Variants in RFX2 observed in about 807,000 individuals in gnomAD.
RFX2 encodes regulatory factor X2.
In RFX2, 20 loss-of-function variants were observed where a neutral mutation model predicts 87.8. The observed-to-expected ratio is 0.23, with a 90% CI of 0.16 to 0.33. The LOEUF (loss-of-function observed/expected upper bound fraction) is 0.33. RFX2 is among the 10% of genes least tolerant of loss of function. The probability of loss-of-function intolerance (pLI) is 1.00; values close to 1 mark genes in which losing one functional copy is unlikely to be tolerated. For synonymous variants in RFX2, 397 were observed against 431.3 expected, an observed-to-expected ratio of 0.92 and a Z score of 0.98; for missense variants, 767 against 1,012.3, an observed-to-expected ratio of 0.76 and a Z score of 3.29.
chr19:6,048,770 T>C (rs2087230765), intron 1 of RFX2, among the ~76,000 whole-genome samples: 2 of 152,188 alleles, frequency 1.3e-5, no homozygotes, highest in Non-Finnish European at 2.9e-5. Context: ...TAAATTAATT[T>C]ACCTAAGGAA....
intron 1 of RFX2, among the ~76,000 whole-genome samples, chr19:6,082,797 C>A (rs1176229353): frequency 6.6e-6 from 1 of 152,148 alleles, no homozygotes; most frequent in Non-Finnish European, 1.5e-5. Context: ...CTCAACTCTG[C>A]CTCTGGACAG....
intron 1 of RFX2, among the ~76,000 whole-genome samples, chr19:6,059,231 C>A (rs1485123161): frequency 6.6e-6 from 1 of 152,114 alleles, no homozygotes; most frequent in African/African-American, 2.4e-5. Context: ...CCTCCCACCT[C>A]GGCCTCCCAA....
intron 1 of RFX2, among the ~76,000 whole-genome samples, chr19:6,080,283 C>G (rs1227914237): frequency 6.6e-6 from 1 of 151,138 alleles, no homozygotes; most frequent in African/African-American, 2.4e-5. Flanking sequence ...AAGGTGAGGT[C>G]TTGCTTTGTT....
In RFX2 at chr19:6,001,845, C is replaced by T. The variant is rs17852566; in HGVS notation, c.1829G>A (p.Arg610Gln). Residue 610 changes from arginine to glutamine, a missense_variant, in exon 15 of 18, where the codon CGG (arginine) becomes CAG (glutamine). Coordinates refer to ENST00000303657, the MANE Select transcript of RFX2 (RefSeq NM_000635.4). This position sits in a 1 kb window ranked among gnomAD's most constrained non-coding sequence, Gnocchi z 5.6. ...AAAGGACCATTTCAGCAAGAACTGC[C>T]GGGCGGCCTTGGGGAAGCTGGGGCT... ...AGSPSFPKAA[R>Q]QFLLKWSFYS... 3.1e-6 allele frequency: 5 copies of T among 1,612,378 alleles called. No homozygotes were observed. The highest frequency in any genetic ancestry group is 2.2e-5 in the East Asian group (1 of 44,858).
chr19:6,010,857 C>A lies in RFX2; in HGVS notation c.900-606G>T, dbSNP rs189196057. ...CTTGGCCGGGCGCAGGGGCTCACGC[C>A]TGTAATCCCAGTGCTTTGGGAGGCC... On this transcript the variant is annotated intron_variant, in intron 8 of 17. Transcript: ENST00000303657. This position sits in a 1 kb window ranked among gnomAD's most constrained non-coding sequence, Gnocchi z 5.0. Among the ~76,000 whole-genome samples, 1 of 152,218 alleles carries A rather than the reference C, an allele frequency of 6.6e-6. No homozygotes were observed. Among genetic ancestry groups the A allele is most frequent in the African/African-American group, 2.4e-5 (1 of 41,438 alleles).
chr19:6,053,401 A>AT (rs1222828156), intron 1 of RFX2, among the ~76,000 whole-genome samples: 1 of 152,254 alleles, frequency 6.6e-6, no homozygotes, highest in Non-Finnish European at 1.5e-5. Flanking sequence ...TCTGTATGGC[A>AT]CTATAATGGT....
chr19:6,001,363 A>C lies in RFX2; in HGVS notation c.1859+452T>G, dbSNP rs887327875. Among the ~76,000 whole-genome samples, 4 of 152,182 alleles carry C rather than the reference A, an allele frequency of 2.6e-5. No individual in the cohort carries two copies. The highest frequency in any genetic ancestry group is 9.7e-5 in the African/African-American group (4 of 41,434). On this transcript the variant is annotated intron_variant, in intron 15 of 17. Coordinates refer to ENST00000303657, the MANE Select transcript of RFX2 (RefSeq NM_000635.4). This position sits in a 1 kb window ranked among gnomAD's most constrained non-coding sequence, Gnocchi z 5.6. ...CTGCAGCCTGGACCGCCTGGGCTCA[A>C]GGATCCTTCCACCTCAGCCTCACAA...
rs1421019414 is a variant in RFX2 at position 6,024,759 on chromosome 19, TGAGGA to T, written c.597+1399_597+1403del. Among the ~76,000 whole-genome samples, 335 of 146,778 alleles carry T rather than the reference TGAGGA, an allele frequency of 2.3e-3. 10 individuals carry two copies. The highest frequency in any genetic ancestry group is 8.2e-3 in the African/African-American group (321 of 39,020). On this transcript the variant is annotated intron_variant, in intron 6 of 17. Transcript: ENST00000303657. This position sits in a 1 kb window ranked among gnomAD's most constrained non-coding sequence, Gnocchi z 5.0. Reference sequence around the variant, plus strand: ...GACGGGATCACGGTGAGGACGGGAGTGAGGACGGGATCACGGTGAGGACGGGAGTG... The same window carrying T: ...GACGGGATCACGGTGAGGACGGGAGTCGGGATCACGGTGAGGACGGGAGTG...
intron 1 of RFX2, among the ~76,000 whole-genome samples, chr19:6,106,643 C>A (rs551975194): frequency 6.6e-6 from 1 of 152,130 alleles, no homozygotes; most frequent in African/African-American, 2.4e-5. Flanking sequence ...GACTCGCATT[C>A]TCCTCCCCTG....
chr19:6,005,607 A>G (rs1336758517), intron 12 of RFX2, among the ~76,000 whole-genome samples: 5 of 151,714 alleles, frequency 3.3e-5, no homozygotes, highest in Non-Finnish European at 7.4e-5. Context: ...TTCCTTCCTC[A>G]CTGTGCCTGT....
chr19:6,079,112 G>T (rs918090055), intron 1 of RFX2, among the ~76,000 whole-genome samples: 1 of 152,162 alleles, frequency 6.6e-6, no homozygotes, highest in Non-Finnish European at 1.5e-5. Flanking sequence ...GTAATTCATT[G>T]GTAAACATTC....
Position 6,022,307 on chromosome 19 carries a change from G to C in RFX2, c.597+3856C>G, listed in dbSNP as rs1301291573. 1.3e-5 allele frequency among the ~76,000 whole-genome samples: 2 copies of C among 152,226 alleles called. No homozygotes were observed. The highest frequency in any genetic ancestry group is 2.9e-5 in the Non-Finnish European group (2 of 68,036). On this transcript the variant is annotated intron_variant, in intron 6 of 17. Transcript: ENST00000303657. This position sits in a 1 kb window ranked among gnomAD's most constrained non-coding sequence, Gnocchi z 6.2. Reference sequence around the variant, plus strand: ...GCCTGCAGGACAGCACGGCCATCGTGCCAGGCTACACAGGTCACCAGCTGA... The same window carrying C: ...GCCTGCAGGACAGCACGGCCATCGTCCCAGGCTACACAGGTCACCAGCTGA...
chr19:6,075,622 T>C lies in RFX2; in HGVS notation c.-8-28118A>G, dbSNP rs118047868. Among the ~76,000 whole-genome samples the C allele has an allele frequency of 9.8e-3, 1,495 of 152,230 alleles. 8 individuals are homozygous for C. Among genetic ancestry groups the C allele is most frequent in the Non-Finnish European group, 0.015 (988 of 68,008 alleles). ...GGGGCTGGCCTGAGCACCTAGAGAA[T>C]GGAGCTGCCCGGTGCTGAGCTGGGG... On this transcript the variant is annotated intron_variant, in intron 1 of 17. Transcript: ENST00000303657.
rs987772473 is a variant in RFX2, at chr19:6,110,070, C to A, written c.-9+323G>T. ...AGTTTGAGAGACGTTCCCGGGGCGC[C>A]CCCAACTCAGCGAGTTTGAAGGTAA... On this transcript the variant is annotated intron_variant, in intron 1 of 17. Transcript: ENST00000303657. This position sits in a 1 kb window ranked among gnomAD's most constrained non-coding sequence, Gnocchi z 4.3. 6.6e-6 allele frequency among the ~76,000 whole-genome samples: 1 copy of A among 152,006 alleles called. No individual in the cohort carries two copies. The highest frequency in any genetic ancestry group is 6.6e-5 in the Admixed American group (1 of 15,262).
intron 1 of RFX2, among the ~76,000 whole-genome samples, chr19:6,096,662 G>A (rs996093886): frequency 1.3e-5 from 2 of 152,162 alleles, no homozygotes; most frequent in Non-Finnish European, 2.9e-5. Context: ...TAGCCAGGAT[G>A]GTCTCGATCT....
At chr19:6,031,356 A>G (rs114388161) in intron 5 of RFX2, among the ~76,000 whole-genome samples, 96 of 151,312 alleles carry the variant, frequency 6.3e-4, no homozygotes, top group African/African-American at 2.3e-3. Flanking sequence ...TAAAATTAAT[A>G]ATTTTTACTG....
At position 6,084,639 on chromosome 19, in the gene RFX2, C is replaced by CTTTTTTTT. The variant is rs1189568545; in HGVS notation, c.-9+25753_-9+25754insAAAAAAAA. Among the ~76,000 whole-genome samples the CTTTTTTTT allele has an allele frequency of 6.5e-4, 80 of 122,946 alleles. 1 individual carries two copies. Among genetic ancestry groups the CTTTTTTTT allele is most frequent in the African/African-American group, 3.7e-3 (78 of 21,322 alleles). The allele number at this position is 122,946 out of a possible 152,430, so 80.7% of individuals were successfully genotyped here. ...GATTTGTCCTTTTTTTTCTTTCTTT[C>CTTTTTTTT]TTTCTTTTTTTTGAGACAGAATCTC... On this transcript the variant is annotated intron_variant, in intron 1 of 17. Coordinates refer to ENST00000303657, the MANE Select transcript of RFX2 (RefSeq NM_000635.4).
rs922236057 is a variant in RFX2 at position 6,020,950 on chromosome 19, G to A, written c.598-4679C>T. On this transcript the variant is annotated intron_variant, in intron 6 of 17. Transcript: ENST00000303657. This position sits in a 1 kb window ranked among gnomAD's most constrained non-coding sequence, Gnocchi z 5.3. ...GGAAAAAAAATCCCGAAATGCCAGCGCCTCCCTCTCCCCGGCCCCCCAACA... is the reference window on the plus strand; with the variant it reads ...GGAAAAAAAATCCCGAAATGCCAGCACCTCCCTCTCCCCGGCCCCCCAACA... 1.3e-5 allele frequency among the ~76,000 whole-genome samples: 2 copies of A among 152,132 alleles called. No individual in the cohort carries two copies. The highest frequency in any genetic ancestry group is 6.5e-5 in the Admixed American group (1 of 15,284).
chr19:6,005,714 G>T (rs567790778), intron 12 of RFX2, among the ~76,000 whole-genome samples: 75 of 152,330 alleles, frequency 4.9e-4, no homozygotes, highest in Admixed American at 1.6e-3. Flanking sequence ...GGGAAGTGGG[G>T]TCTGGCTGGG....
Sources: gnomAD v4.1 joint callset for allele counts (sites outside exome capture counted in the v4.1 genomes callset) on GRCh38, gnomAD v4.1.1 for gene constraint, Gnocchi (gnomAD v3.1) non-coding constraint, MANE v1.5 for transcripts, NCBI Gene and HGNC (gene_info 2026-07-23, HGNC 2026-07-21) for gene names.